Variants in RBBP8 observed in about 807,000 individuals in gnomAD.
The protein encoded by RBBP8 is DNA endonuclease RBBP8.
In RBBP8, 88 loss-of-function variants were observed where a neutral mutation model predicts 108.3. The observed-to-expected ratio is 0.81, with a 90% CI of 0.68 to 0.97. The LOEUF (loss-of-function observed/expected upper bound fraction) is 0.97, where lower values mean the gene tolerates loss of function less well. Among genes scored for constraint, RBBP8 ranks in the 50% least tolerant of loss-of-function variants. The pLI, the probability that RBBP8 is intolerant of heterozygous loss-of-function variation, is 0.00. For synonymous variants in RBBP8, 332 were observed against 348.2 expected (o/e 0.95, Z 0.52); for missense variants, 1,023 against 1,049.0 (o/e 0.98, Z 0.34).
intron 2 of RBBP8, among the ~76,000 whole-genome samples, chr18:22,941,506 T>A (rs2144428350): frequency 6.6e-6 from 1 of 152,232 alleles, no homozygotes; most frequent in East Asian, 1.9e-4. Flanking sequence ...AAATAAAATA[T>A]TTGACAGATT....
intron 4 of RBBP8, among the ~76,000 whole-genome samples, chr18:22,953,885 G>T (rs750027702): frequency 6.6e-6 from 1 of 152,034 alleles, no homozygotes; most frequent in Non-Finnish European, 1.5e-5. Context: ...TACAATCATG[G>T]CAGAAAGGGA....
intron 18 of RBBP8, chr18:23,024,652 G>C (rs993228534): frequency 1.3e-5 from 2 of 152,052 alleles, no homozygotes; most frequent in African/African-American, 4.8e-5. Context: ...AGATTGAACT[G>C]CTTCTTTTAC....
In RBBP8 at chr18:22,997,633, C is replaced by G; in HGVS notation, c.2042C>G (p.Ser681Ter). Residue 681 changes from serine to a stop codon, truncating the protein, a stop_gained, in exon 14 of 19, where the codon TCA (serine) becomes TGA (stop). Transcript: ENST00000327155. LOFTEE classifies it high-confidence loss of function. ...TVIDTKDGSQ[S>*]KLGGETVDMD... is the part of the protein sequence containing the mutation. Reference sequence around the variant, plus strand: ...ATATTTATTTAGGATGGCAGTCAGTCAAAATTAGGAGGAGAGACAGTGGAC... The same window carrying G: ...ATATTTATTTAGGATGGCAGTCAGTGAAAATTAGGAGGAGAGACAGTGGAC... 1.2e-6 allele frequency: 2 copies of G among 1,601,822 alleles called. No homozygotes were observed. Among genetic ancestry groups the G allele is most frequent in the Non-Finnish European group, 1.7e-6 (2 of 1,171,922 alleles).
At chr18:22,958,659 C>A (rs1251347344) in intron 4 of RBBP8, among the ~76,000 whole-genome samples, 1 of 152,164 alleles carries the variant, frequency 6.6e-6, no homozygotes, top group African/African-American at 2.4e-5. Flanking sequence ...GATCCTCACA[C>A]CTCAGCCTTA....
intron 5 of RBBP8, among the ~76,000 whole-genome samples, chr18:22,974,648 C>T (rs1357881199): frequency 2.6e-5 from 4 of 152,044 alleles, no homozygotes; most frequent in Admixed American, 6.6e-5. Context: ...TTAGTGGAGA[C>T]GGGGTTTCAC....
At chr18:22,950,484 C>T (rs894235528) in intron 4 of RBBP8, among the ~76,000 whole-genome samples, 16 of 151,386 alleles carry the variant, frequency 1.1e-4, no homozygotes, top group African/African-American at 3.9e-4. Flanking sequence ...TCTAGAGGAT[C>T]GCTTGAGTCC....
intron 3 of RBBP8, among the ~76,000 whole-genome samples, chr18:22,918,812 T>G (rs1909469839): frequency 6.6e-6 from 1 of 152,142 alleles, no homozygotes; most frequent in Admixed American, 6.5e-5. Context: ...GTGTTCTCCC[T>G]ATGTTTCCCA....
chr18:23,022,756 T>C (rs1180649418), intron 18 of RBBP8, among the ~76,000 whole-genome samples: 1 of 151,646 alleles, frequency 6.6e-6, no homozygotes, highest in East Asian at 1.9e-4. Flanking sequence ...GCTAGTTTTG[T>C]GACATAAAAA....
chr18:22,939,242 C>A (rs1008727907), intron 2 of RBBP8, among the ~76,000 whole-genome samples: 22 of 152,166 alleles, frequency 1.4e-4, no homozygotes, highest in African/African-American at 5.3e-4. Flanking sequence ...CACGGTGGCT[C>A]ACGCCTGTAA....
intron 14 of RBBP8, among the ~76,000 whole-genome samples, chr18:22,999,700 G>A (rs376339446): frequency 6.6e-6 from 1 of 151,308 alleles, no homozygotes; most frequent in East Asian, 1.9e-4. Flanking sequence ...CTTAGAATTG[G>A]TTTAAAATGA....
chr18:22,938,075 C>T (rs1910731939), intron 2 of RBBP8, among the ~76,000 whole-genome samples: 2 of 151,934 alleles, frequency 1.3e-5, no homozygotes, highest in Admixed American at 1.3e-4. Flanking sequence ...AGTCCACTGG[C>T]CTCAGCCTCC....
chr18:22,975,844 AT>A (rs1914458613), intron 6 of RBBP8, among the ~76,000 whole-genome samples: 1 of 151,976 alleles, frequency 6.6e-6, no homozygotes, highest in South Asian at 2.1e-4. Context: ...TCAGACCCAT[AT>A]TTTTTCTGAA....
upstream of RBBP8, among the ~76,000 whole-genome samples, chr18:22,930,831 G>A (rs1909996090): frequency 6.6e-6 from 1 of 152,054 alleles, no homozygotes; most frequent in Admixed American, 6.6e-5. Context: ...GAGTACAGTG[G>A]CACAATCATA....
intron 7 of RBBP8, among the ~76,000 whole-genome samples, chr18:22,982,674 T>C (rs1395139644): frequency 6.6e-6 from 1 of 152,214 alleles, no homozygotes; most frequent in Admixed American, 6.5e-5. Context: ...TTCCTATGTG[T>C]ATATATCCAA....
At position 22,946,381 on chromosome 18, in the gene RBBP8, G is replaced by A; in HGVS notation, c.110-63G>A. ...GAGGCCAGACTGATGTGACTTAATA[G>A]TGGAGCATTTGACTCATAAAGGAAC... On this transcript the variant is annotated intron_variant, in intron 2 of 18. Transcript: ENST00000327155. 7 of 1,596,230 alleles carry A rather than the reference G, an allele frequency of 4.4e-6. No individual in the cohort carries two copies. The South Asian group carries it at 7.8e-5, about 18-fold the overall frequency.
chr18:22,914,307 G>A lies in RBBP8; in HGVS notation c.-306+1G>A, dbSNP rs1018987145. The stretch of plus-strand genomic sequence containing the variant: ...AGAGGTTTTCTAAATAAGTCGAAGG[G>A]TAAGTATATTTTTAAAATTTCTCAG... On this transcript the variant is annotated splice_donor_variant, in intron 1 of 4. Coordinates refer to the RBBP8 transcript ENST00000577588. LOFTEE classifies it low-confidence loss of function (5UTR_SPLICE). 8 of 152,108 alleles carry A rather than the reference G, an allele frequency of 5.3e-5. No homozygotes were observed. The highest frequency in any genetic ancestry group is 1.2e-4 in the Non-Finnish European group (8 of 68,006). 9.4% of individuals were successfully genotyped at this position (152,108 alleles called of 1,614,324 possible).
chr18:22,980,965 C>CTTTTTTGTTTTTTTT (rs1914881510), intron 6 of RBBP8, among the ~76,000 whole-genome samples: 3 of 69,490 alleles, frequency 4.3e-5, no homozygotes, highest in African/African-American at 1.0e-4. Flanking sequence ...CCACTTATGT[C>CTTTTTTGTTTTTTTT]TTTTTTTTTT....
intron 7 of RBBP8, 42 bp from the exon 8 acceptor site, chr18:22,984,844 T>C (rs776095912): frequency 8.7e-7 from 1 of 1,151,942 alleles, no homozygotes; most frequent in South Asian, 1.4e-5. Flanking sequence ...CTTTTCATCA[T>C]CATTGTTTAT....
At chr18:22,972,610 T>A (rs558038108) in intron 5 of RBBP8, among the ~76,000 whole-genome samples, 1 of 151,884 alleles carries the variant, frequency 6.6e-6, no homozygotes, top group South Asian at 2.1e-4. Context: ...GATGGGGTTT[T>A]GCCATGTTGG....
Sources: allele counts gnomAD v4.1 joint callset (sites outside exome capture counted in the v4.1 genomes callset), GRCh38; gene constraint gnomAD v4.1.1; transcripts MANE v1.5; gene names NCBI Gene and HGNC (gene_info 2026-07-23, HGNC 2026-07-21).